UGT1A9: variants seen among roughly 807,000 people sequenced by gnomAD.
UGT1A9 encodes UDP-glucuronosyltransferase 1A9.
Under a neutral mutation model 45.0 loss-of-function variants are expected in UGT1A9, and 35 were observed. That is an observed-to-expected ratio of 0.78 (90% confidence interval 0.59 to 1.03). The LOEUF (loss-of-function observed/expected upper bound fraction) is 1.03. Ranked by LOEUF, UGT1A9 falls within the 50% of genes least tolerant of loss-of-function variation. UGT1A9 has a pLI of 0.00. For missense variants in UGT1A9, 687 were observed against 666.6 expected, an observed-to-expected ratio of 1.03 and a Z score of -0.34; for synonymous variants, 278 against 250.6, an observed-to-expected ratio of 1.11 and a Z score of -1.03.
intron 1 of UGT1A9, among the ~76,000 whole-genome samples, chr2:233,735,842 C>G (rs2078702180): frequency 6.6e-6 from 1 of 152,078 alleles, no homozygotes; most frequent in Non-Finnish European, 1.5e-5. Flanking sequence ...TTGGCCCCCA[C>G]TCTCTTCTGT....
Position 233,769,204 on chromosome 2 carries a change from CA to C in UGT1A9, c.1295+766del, listed in dbSNP as rs1195031897. 1.3e-5 allele frequency among the ~76,000 whole-genome samples: 2 copies of C among 152,164 alleles called. No individual in the cohort carries two copies. The highest frequency in any genetic ancestry group is 4.8e-5 in the African/African-American group (2 of 41,440). ...TGAATGAAGGAGCTATAAGATATCA[CA>C]GACAAAGTCTTAGAATAAGAGCAAA... On this transcript the variant is annotated intron_variant, in intron 4 of 4. Transcript: ENST00000354728. This position sits in a 1 kb window ranked among gnomAD's most constrained non-coding sequence, Gnocchi z 4.4.
At chr2:233,710,056 C>A (rs2076108009) in intron 1 of UGT1A9, among the ~76,000 whole-genome samples, 1 of 152,224 alleles carries the variant, frequency 6.6e-6, no homozygotes, top group Admixed American at 6.5e-5. Context: ...TTTGGCTCGG[C>A]ATAATGTCTC....
rs1373777219 is a variant in UGT1A9 at position 233,672,755 on chromosome 2, G to T, written c.821G>T (p.Gly274Val). 3 of 1,613,770 alleles carry T rather than the reference G, an allele frequency of 1.9e-6. No individual in the cohort carries two copies. The highest frequency in any genetic ancestry group is 8.5e-7 in the Non-Finnish European group (1 of 1,179,770). The change falls in exon 1 of 5, where the codon GGT becomes GTT. Residue 274 changes from glycine to valine, a missense_variant. Physicochemically the swap from Gly to Val is moderately radical, Grantham distance 109. Coordinates refer to ENST00000354728, the MANE Select transcript of UGT1A9 (RefSeq NM_021027.3). ...ATGCCCAACATGATCTTCATTGGTG[G>T]TATCAACTGCCATCAGGGAAAGCCG... Reference protein sequence around the residue: ...PVMPNMIFIGGINCHQGKPLP... With the variant: ...PVMPNMIFIGVINCHQGKPLP...
intron 1 of UGT1A9, among the ~76,000 whole-genome samples, chr2:233,749,367 C>G (rs893134182): frequency 6.6e-6 from 1 of 151,762 alleles, no homozygotes; most frequent in Non-Finnish European, 1.5e-5. Flanking sequence ...GACTCTTGCC[C>G]TTTTCTTCCA....
chr2:233,721,292 C>T (rs1038685514), intron 1 of UGT1A9, among the ~76,000 whole-genome samples: 4 of 152,066 alleles, frequency 2.6e-5, no homozygotes, highest in African/African-American at 9.7e-5. Context: ...ATTAGGAAGG[C>T]ATTTGAATAG....
intron 1 of UGT1A9, among the ~76,000 whole-genome samples, chr2:233,745,638 C>T (rs530940349): frequency 4.6e-5 from 7 of 151,244 alleles, no homozygotes; most frequent in South Asian, 2.1e-4. Context: ...GAAAGCTGGC[C>T]GAGGGTAGAG....
Position 233,725,179 on chromosome 2 carries a change from GAGAGGCAGAGGCAGAGGC to G in UGT1A9, c.856-41831_856-41814del, listed in dbSNP as rs879478240. ...CTCTGCATGAGAGGGAGACCGTGGG[GAGAGGCAGAGGCAGAGGC>G]AGAGGCAGAGGCAGAGGCAGAGGAG... On this transcript the variant is annotated intron_variant, in intron 1 of 4. Coordinates refer to ENST00000354728, the MANE Select transcript of UGT1A9 (RefSeq NM_021027.3). 4.4e-5 allele frequency among the ~76,000 whole-genome samples: 3 copies of G among 67,606 alleles called. 1 individual carries two copies. The highest frequency in any genetic ancestry group is 1.5e-4 in the Admixed American group (1 of 6,876). The allele number at this position is 67,606 out of a possible 152,430, so 44.4% of individuals were successfully genotyped here.
At chr2:233,685,277 C>T (rs1304210883) in intron 1 of UGT1A9, among the ~76,000 whole-genome samples, 1 of 152,148 alleles carries the variant, frequency 6.6e-6, no homozygotes, top group African/African-American at 2.4e-5. Flanking sequence ...AAGTGATCCG[C>T]CCGCCTCCGC....
At chr2:233,690,213 C>T (rs927576609) in intron 1 of UGT1A9, among the ~76,000 whole-genome samples, 4 of 152,156 alleles carry the variant, frequency 2.6e-5, no homozygotes, top group Non-Finnish European at 4.4e-5. Context: ...CAATGTTTGC[C>T]ATTTTAGTAT....
intron 1 of UGT1A9, among the ~76,000 whole-genome samples, chr2:233,695,299 C>T (rs532715794): frequency 2.6e-4 from 40 of 151,824 alleles, no homozygotes; most frequent in African/African-American, 8.9e-4. Context: ...CTAATTTTTG[C>T]ATTTTTAGTA....
intron 1 of UGT1A9, among the ~76,000 whole-genome samples, chr2:233,711,305 A>G (rs1408728006): frequency 6.6e-6 from 1 of 152,220 alleles, no homozygotes; most frequent in African/African-American, 2.4e-5. Context: ...AAATTAGATG[A>G]CATTGGTGTC....
At chr2:233,687,907 C>T (rs1438688999) in intron 1 of UGT1A9, among the ~76,000 whole-genome samples, 1 of 151,952 alleles carries the variant, frequency 6.6e-6, no homozygotes, top group Non-Finnish European at 1.5e-5. Flanking sequence ...GACCTTGTCT[C>T]AAAATAAATA....
In UGT1A9 at chr2:233,772,878, G is replaced by T; in HGVS notation, c.*319G>T. 3.5e-6 allele frequency: 2 copies of T among 577,672 alleles called. No individual in the cohort carries two copies. The highest frequency in any genetic ancestry group is 5.2e-5 in the East Asian group (1 of 19,352). The allele number at this position is 577,672 out of a possible 1,614,324, so 35.8% of individuals were successfully genotyped here. A position where few individuals can be genotyped will look rare whatever the true frequency, so the allele number is the denominator to read the frequency against. Reference sequence around the variant, plus strand: ...GAAACATGGCCTGTTTGGGAGTGCGGGATTCAAAGGTGGTCCCACGGCTGC... The same window carrying T: ...GAAACATGGCCTGTTTGGGAGTGCGTGATTCAAAGGTGGTCCCACGGCTGC... On this transcript the variant is annotated 3_prime_UTR_variant, in exon 5 of 5. Transcript: ENST00000354728.
At chr2:233,710,183 T>C (rs1189397959) in intron 1 of UGT1A9, among the ~76,000 whole-genome samples, 1 of 152,232 alleles carries the variant, frequency 6.6e-6, no homozygotes, top group East Asian at 1.9e-4. Context: ...TTGATGGACA[T>C]GTGGATAGTT....
intron 1 of UGT1A9, among the ~76,000 whole-genome samples, chr2:233,736,718 T>C (rs1407462438): frequency 1.3e-5 from 2 of 152,092 alleles, no homozygotes; most frequent in East Asian, 3.9e-4. Flanking sequence ...ATGTCCTTTT[T>C]GTTGATGTTT....
intron 1 of UGT1A9, chr2:233,693,647 A>C: frequency 6.2e-7 from 1 of 1,614,186 alleles, no homozygotes. Context: ...CTTCCTTGTT[A>C]ATTTGTTGGA....
chr2:233,690,756 G>C, intron 1 of UGT1A9: 3 of 1,106,918 alleles, frequency 2.7e-6, no homozygotes, highest in South Asian at 1.7e-5. Flanking sequence ...GTCCAGTGCA[G>C]ACATACACAC....
chr2:233,705,079 A>C (rs1298601892), intron 1 of UGT1A9, among the ~76,000 whole-genome samples: 1 of 151,822 alleles, frequency 6.6e-6, no homozygotes, highest in Non-Finnish European at 1.5e-5. Flanking sequence ...GAGGTTGCAG[A>C]GAGCCAAGAT....
Position 233,767,926 on chromosome 2 carries a change from C to T in UGT1A9, c.1065C>T (p.Asn355=). 5.6e-6 allele frequency: 9 copies of T among 1,614,196 alleles called. No homozygotes were observed. Among genetic ancestry groups the T allele is most frequent in the South Asian group, 1.1e-5 (1 of 91,082 alleles). The change falls in exon 3 of 5, where the codon AAC becomes AAT. Residue 355 remains asparagine, a synonymous_variant. Coordinates refer to ENST00000354728, the MANE Select transcript of UGT1A9 (RefSeq NM_021027.3). The part of the protein sequence containing the change: ...NTILVKWLPQ[N]DLLGHPMTRA... The stretch of plus-strand genomic sequence containing the variant: ...TACTTGTTAAGTGGCTACCCCAAAA[C>T]GATCTGCTTGGTATGTTGGGCGGAT...
Sources: gnomAD v4.1 joint callset for allele counts (sites outside exome capture counted in the v4.1 genomes callset) on GRCh38, gnomAD v4.1.1 for gene constraint, Gnocchi (gnomAD v3.1) non-coding constraint, MANE v1.5 for transcripts, NCBI Gene and HGNC (gene_info 2026-07-23, HGNC 2026-07-21) for gene names.